RIMS1: variants seen among roughly 807,000 people sequenced by gnomAD.
RIMS1 encodes regulating synaptic membrane exocytosis protein 1.
RIMS1 carries 83 observed loss-of-function variants against 214.1 expected under a neutral mutation model. That is an observed-to-expected ratio of 0.39 (90% CI 0.32 to 0.47). The LOEUF is 0.47. Ranked by LOEUF, RIMS1 falls within the 20% of genes least tolerant of loss-of-function variation. The pLI is 0.99. For missense variants in RIMS1, 2,050 were observed against 2,161.8 expected (o/e 0.95, Z 1.03); for synonymous variants, 793 against 786.8 (o/e 1.01, Z -0.13).
intron 1 of RIMS1, among the ~76,000 whole-genome samples, chr6:71,967,718 C>G (rs1316777910): frequency 6.6e-6 from 1 of 152,174 alleles, no homozygotes; most frequent in Non-Finnish European, 1.5e-5. Context: ...CTTTTTAAAA[C>G]TTTTATGCAA....
At chr6:72,128,108 G>T (rs907393218) in intron 4 of RIMS1, among the ~76,000 whole-genome samples, 1 of 152,172 alleles carries the variant, frequency 6.6e-6, no homozygotes, top group Non-Finnish European at 1.5e-5. Flanking sequence ...GCCTGCTGAA[G>T]TTAGACTACT....
intron 6 of RIMS1, among the ~76,000 whole-genome samples, chr6:72,206,988 A>C (rs1279976841): frequency 2.0e-5 from 3 of 152,238 alleles, no homozygotes; most frequent in Non-Finnish European, 2.9e-5. Context: ...TAGAGGTAGA[A>C]GACTATGTGT....
intron 2 of RIMS1, among the ~76,000 whole-genome samples, chr6:72,002,680 C>T (rs766087526): frequency 1.2e-4 from 18 of 152,058 alleles, no homozygotes; most frequent in African/African-American, 2.2e-4. Flanking sequence ...CTGTGGAACC[C>T]GCAGAGCTGT....
chr6:71,936,433 G>A (rs1333578594), intron 1 of RIMS1, among the ~76,000 whole-genome samples: 3 of 151,674 alleles, frequency 2.0e-5, no homozygotes, highest in South Asian at 4.2e-4. Flanking sequence ...TGCACCTGTG[G>A]ATTAGTTAAC....
intron 29 of RIMS1, among the ~76,000 whole-genome samples, chr6:72,340,936 G>T (rs1396401220): frequency 6.6e-6 from 1 of 152,016 alleles, no homozygotes; most frequent in African/African-American, 2.4e-5. Flanking sequence ...TCTTCCATTT[G>T]TTTGTATCCT....
chr6:72,366,161 G>A (rs530099706), intron 29 of RIMS1, among the ~76,000 whole-genome samples: 7 of 151,972 alleles, frequency 4.6e-5, no homozygotes, highest in Admixed American at 2.0e-4. Context: ...TGTTTTTCTC[G>A]TGGCAGTAGG....
At chr6:72,193,876 G>A (rs2050450158) in intron 6 of RIMS1, among the ~76,000 whole-genome samples, 2 of 152,090 alleles carry the variant, frequency 1.3e-5, no homozygotes, top group African/African-American at 2.4e-5. Context: ...AAAAGAAACA[G>A]TTTTGTATGT....
At chr6:72,282,723 A>G (rs980952158) in intron 23 of RIMS1, among the ~76,000 whole-genome samples, 4 of 152,152 alleles carry the variant, frequency 2.6e-5, no homozygotes, top group Non-Finnish European at 5.9e-5. Context: ...AAGGATTTTC[A>G]TGGAGTTTAA....
At chr6:72,192,320 C>T (rs1290462923) in intron 6 of RIMS1, among the ~76,000 whole-genome samples, 1 of 152,166 alleles carries the variant, frequency 6.6e-6, no homozygotes, top group East Asian at 1.9e-4. Context: ...CTCCAGTGCA[C>T]AGTTACCCTG....
chr6:71,899,759 T>A (rs1330780297), intron 1 of RIMS1, among the ~76,000 whole-genome samples: 1 of 152,144 alleles, frequency 6.6e-6, no homozygotes, highest in Admixed American at 6.6e-5. Flanking sequence ...AACATGGCTG[T>A]AGCTAACTGG....
chr6:72,263,757 A>C (rs1464925772), intron 19 of RIMS1: 3 of 970,154 alleles, frequency 3.1e-6, no homozygotes, highest in Non-Finnish European at 3.7e-6. Context: ...TGAGGTCAGG[A>C]GTTTGAGACC....
intron 1 of RIMS1, among the ~76,000 whole-genome samples, chr6:71,924,831 A>T (rs373485560): frequency 2.0e-4 from 29 of 145,888 alleles, no homozygotes; most frequent in Middle Eastern, 3.5e-3. Flanking sequence ...AAAAAAAAAG[A>T]TTTAAGTGTA....
intron 1 of RIMS1, among the ~76,000 whole-genome samples, chr6:71,896,476 TCAGTC>T (rs1351629893): frequency 1.3e-5 from 2 of 152,110 alleles, no homozygotes; most frequent in East Asian, 3.9e-4. Flanking sequence ...TGATGGATAA[TCAGTC>T]CAGGGGCTAT....
At chr6:72,249,956 T>C (rs1019801672) in intron 12 of RIMS1, among the ~76,000 whole-genome samples, 1 of 152,172 alleles carries the variant, frequency 6.6e-6, no homozygotes, top group African/African-American at 2.4e-5. Context: ...TTAGTCACGC[T>C]ATAATAATTT....
chr6:72,082,280 A>G (rs1048986061), intron 2 of RIMS1, among the ~76,000 whole-genome samples: 2 of 152,202 alleles, frequency 1.3e-5, no homozygotes, highest in African/African-American at 4.8e-5. Context: ...TAGATGTTTT[A>G]TCTGATTTTT....
intron 4 of RIMS1, among the ~76,000 whole-genome samples, chr6:72,137,971 C>A (rs993076414): frequency 2.0e-5 from 3 of 151,976 alleles, no homozygotes; most frequent in African/African-American, 4.8e-5. Context: ...CTCCTGACCT[C>A]GTGATCCACC....
intron 27 of RIMS1, among the ~76,000 whole-genome samples, chr6:72,311,331 A>G (rs1256020560): frequency 6.6e-6 from 1 of 152,238 alleles, no homozygotes; most frequent in East Asian, 1.9e-4. Context: ...CTCTTTGAAC[A>G]TAATTGAGTT....
In RIMS1 at chr6:72,264,975, A is replaced by G. The variant is rs1201352421; in HGVS notation, c.3117A>G (p.Arg1039=). 1 of 1,580,250 alleles carries G rather than the reference A, an allele frequency of 6.3e-7. No homozygotes were observed. Among genetic ancestry groups the G allele is most frequent in the Admixed American group, 1.8e-5 (1 of 56,834 alleles). ...GRSAECLHTT[R]HLVRHYKTLP... ...GCGTGTTTGTGTTGCTACGTTCCAG[A>G]CATCTTGTTAGGCACTATAAAACAT... is the stretch of plus-strand genomic sequence containing the variant. Residue 1039 remains arginine (R), a splice_region_variant and synonymous_variant, in exon 20 of 34, where the codon AGA becomes AGG. Coordinates refer to ENST00000521978, the MANE Select transcript of RIMS1 (RefSeq NM_014989.7).
intron 1 of RIMS1, among the ~76,000 whole-genome samples, chr6:71,945,488 C>G (rs1234663509): frequency 6.6e-6 from 1 of 152,066 alleles, no homozygotes; most frequent in Non-Finnish European, 1.5e-5. Context: ...AATAAATAAG[C>G]CTCCCAGGCC....
Sources: allele counts gnomAD v4.1 joint callset (sites outside exome capture counted in the v4.1 genomes callset), GRCh38; gene constraint gnomAD v4.1.1; transcripts MANE v1.5; gene names NCBI Gene and HGNC (gene_info 2026-07-23, HGNC 2026-07-21).